Variants in RORA observed in about 807,000 individuals in gnomAD.
The protein encoded by RORA is nuclear receptor ROR-alpha.
In RORA, 7 loss-of-function variants were observed where a neutral mutation model predicts 69.5. The observed-to-expected ratio is 0.10, with a 90% CI of 0.06 to 0.19. The LOEUF is 0.19. Among genes scored for constraint, RORA ranks in the 10% least tolerant of loss-of-function variants. RORA has a pLI of 1.00. For missense variants in RORA, 457 were observed against 663.0 expected (o/e 0.69, Z 3.41); for synonymous variants, 261 against 240.8 (o/e 1.08, Z -0.78).
chr15:60,835,372 T>G (rs979153228), intron 1 of RORA, among the ~76,000 whole-genome samples: 1 of 152,216 alleles, frequency 6.6e-6, no homozygotes. Flanking sequence ...CAGTCAATCA[T>G]ATAATCTTTC....
At chr15:60,931,508 G>A (rs909532106) in intron 1 of RORA, among the ~76,000 whole-genome samples, 4 of 152,218 alleles carry the variant, frequency 2.6e-5, no homozygotes, top group Non-Finnish European at 4.4e-5. Context: ...TCAAGTCTCC[G>A]ACATTTGATT....
intron 1 of RORA, among the ~76,000 whole-genome samples, chr15:60,979,268 CTTTTTTTTTTTT>C (rs767729204): frequency 1.6e-5 from 1 of 64,276 alleles, no homozygotes; most frequent in African/African-American, 5.4e-5. Flanking sequence ...CTAGCCCTTG[CTTTTTTTTTTTT>C]TTTTTTTTTT....
chr15:61,112,791 T>A (rs1402192087), intron 1 of RORA, among the ~76,000 whole-genome samples: 1 of 152,162 alleles, frequency 6.6e-6, no homozygotes, highest in Non-Finnish European at 1.5e-5. Flanking sequence ...AGAGTGCCCC[T>A]CGGGGCAATG....
chr15:60,501,056 A>G lies in RORA; in HGVS notation c.1197T>C (p.Phe399=), dbSNP rs767656052. ...TTCCAAATTCAAACACAAAGCTAAT[A>G]AAGTCTTCACAACCTGCCAAAATGA... ...DVFKSLGCED[F]ISFVFEFGKS... is the part of the protein sequence containing the mutation. The change falls in exon 9 of 11, where the codon TTT becomes TTC. Residue 399 remains phenylalanine, a synonymous_variant. Transcript: ENST00000335670. The G allele has an allele frequency of 8.8e-6, 14 of 1,598,378 alleles. No homozygotes were observed. Among genetic ancestry groups the G allele is most frequent in the Non-Finnish European group, 1.2e-5 (14 of 1,166,938 alleles).
intron 1 of RORA, among the ~76,000 whole-genome samples, chr15:61,021,208 A>G (rs1490788782): frequency 6.6e-6 from 1 of 152,176 alleles, no homozygotes. Flanking sequence ...TTGGCCATAA[A>G]TGGGTCACAT....
intron 1 of RORA, among the ~76,000 whole-genome samples, chr15:61,205,063 G>A (rs2079928455): frequency 6.6e-6 from 1 of 152,164 alleles, no homozygotes; most frequent in African/African-American, 2.4e-5. Flanking sequence ...GTCATATGTG[G>A]GCCCAGACAA....
At chr15:60,887,695 T>G (rs1024377614) in intron 1 of RORA, among the ~76,000 whole-genome samples, 3 of 152,158 alleles carry the variant, frequency 2.0e-5, no homozygotes, top group Admixed American at 6.5e-5. Flanking sequence ...CACACTCTCT[T>G]TGGCACAGGA....
chr15:60,779,792 C>T (rs886568051), intron 1 of RORA, among the ~76,000 whole-genome samples: 1 of 152,216 alleles, frequency 6.6e-6, no homozygotes, highest in Non-Finnish European at 1.5e-5. Flanking sequence ...CTGATAAGCA[C>T]TGATATTCTT....
chr15:60,694,002 A>G (rs1248605502), intron 1 of RORA, among the ~76,000 whole-genome samples: 5 of 152,194 alleles, frequency 3.3e-5, no homozygotes, highest in Non-Finnish European at 7.4e-5. Context: ...ATCCTAAGCA[A>G]AAAAGAACAA....
In RORA at chr15:61,133,543, C is replaced by G. The variant is rs139435462; in HGVS notation, c.166+95510G>C. The stretch of plus-strand genomic sequence containing the variant: ...TGATGGCTGATCAGAGAATGAGGTC[C>G]GCTGACTCTAATGTCAGGCAAGCCC... On this transcript the variant is annotated intron_variant, in intron 1 of 10. Transcript: ENST00000335670. 1.1e-3 allele frequency among the ~76,000 whole-genome samples: 166 copies of G among 152,224 alleles called. 1 individual carries two copies. The highest frequency in any genetic ancestry group is 3.9e-3 in the African/African-American group (162 of 41,546).
chr15:60,500,945 T>C lies in RORA; in HGVS notation c.1294+14A>G. The C allele has an allele frequency of 7.1e-7, 1 of 1,408,084 alleles. No homozygotes were observed. The highest frequency in any genetic ancestry group is 1.2e-5 in the South Asian group (1 of 82,986). The allele number at this position is 1,408,084 out of a possible 1,614,324, so 87.2% of individuals were successfully genotyped here. A position where few individuals can be genotyped will look rare whatever the true frequency, so the allele number is the denominator to read the frequency against. ...AATTCGAAAACCATTTTTATTTTTA[T>C]TTGGTTGTCTTACCTGCTGACATCA... is the stretch of plus-strand genomic sequence containing the variant. On this transcript the variant is annotated intron_variant, in intron 9 of 10. Transcript: ENST00000335670.
intron 1 of RORA, among the ~76,000 whole-genome samples, chr15:60,819,767 A>ACACACACACACACACACGCGCG (rs1555455767): frequency 2.7e-5 from 4 of 147,532 alleles, no homozygotes; most frequent in Admixed American, 2.1e-4. Context: ...ACACACACAC[A>ACACACACACACACACACGCGCG]CACACACACA....
chr15:60,795,904 G>A (rs1157625357), intron 1 of RORA, among the ~76,000 whole-genome samples: 3 of 152,196 alleles, frequency 2.0e-5, no homozygotes, highest in Non-Finnish European at 2.9e-5. Context: ...CTCATGCCTC[G>A]GTTTCTTCAG....
chr15:60,509,266 T>C (rs952426953), intron 5 of RORA, among the ~76,000 whole-genome samples: 1 of 152,240 alleles, frequency 6.6e-6, no homozygotes, highest in Non-Finnish European at 1.5e-5. Context: ...ATTATATACT[T>C]TCCAGATAAA....
intron 1 of RORA, among the ~76,000 whole-genome samples, chr15:61,170,471 C>G (rs1023822677): frequency 1.2e-4 from 18 of 152,162 alleles, no homozygotes; most frequent in African/African-American, 4.1e-4. Flanking sequence ...TGTAATTACA[C>G]TGAGCTCGCC....
At chr15:61,067,357 G>A (rs1463633262) in intron 1 of RORA, among the ~76,000 whole-genome samples, 2 of 152,020 alleles carry the variant, frequency 1.3e-5, no homozygotes, top group Non-Finnish European at 2.9e-5. Context: ...GCCCGCCTCG[G>A]CCTCCCAAAG....
chr15:60,719,414 C>G (rs774674228), intron 1 of RORA, among the ~76,000 whole-genome samples: 1 of 152,116 alleles, frequency 6.6e-6, no homozygotes, highest in Non-Finnish European at 1.5e-5. Flanking sequence ...TTTCTCTCAA[C>G]TTGAGTATTT....
At chr15:60,758,970 A>G (rs2140870122) in intron 1 of RORA, among the ~76,000 whole-genome samples, 1 of 152,364 alleles carries the variant, frequency 6.6e-6, no homozygotes, top group Non-Finnish European at 1.5e-5. Context: ...TGAATGCCAC[A>G]TAGCAAGTTA....
chr15:60,702,878 C>T (rs946941817), intron 1 of RORA, among the ~76,000 whole-genome samples: 5 of 152,168 alleles, frequency 3.3e-5, no homozygotes, highest in African/African-American at 1.2e-4. Flanking sequence ...GGCCTTTTCC[C>T]TCTTGCCATT....
Sources: gnomAD v4.1 joint callset for allele counts (sites outside exome capture counted in the v4.1 genomes callset) on GRCh38, gnomAD v4.1.1 for gene constraint, MANE v1.5 for transcripts, NCBI Gene and HGNC (gene_info 2026-07-23, HGNC 2026-07-21) for gene names.